The following SNED1 variants were observed in gnomAD, a reference collection of about 807,000 sequenced individuals.
The protein encoded by SNED1 is sushi, nidogen and EGF like domains 1.
In SNED1, 81 loss-of-function variants were observed where a neutral mutation model predicts 166.7. The observed-to-expected ratio is 0.49, with a 90% CI of 0.41 to 0.58. The LOEUF is 0.58. Ranked by LOEUF, SNED1 falls within the 20% of genes least tolerant of loss-of-function variation. The pLI is 0.00. For synonymous variants in SNED1, 762 were observed against 822.0 expected (o/e 0.93, Z 1.25); for missense variants, 1,604 against 2,000.2 (o/e 0.80, Z 3.78).
rs1266948383 is a variant in SNED1, at chr2:241,065,354, T to C, written c.2769T>C (p.Ser923=). ...KMERVEESGV[S]ISWNPPNGPA... is the part of the protein sequence containing the mutation. The stretch of plus-strand genomic sequence containing the variant: ...AGAGAGTGGAGGAGAGTGGGGTCTC[T>C]ATCTCCTGGAACCCGCCCAATGGTC... The change falls in exon 21 of 32, where the codon TCT becomes TCC. Residue 923 remains serine, a synonymous_variant. Coordinates refer to ENST00000310397, the MANE Select transcript of SNED1 (RefSeq NM_001080437.3). 1.1e-5 allele frequency: 17 copies of C among 1,612,950 alleles called. No individual in the cohort carries two copies. The highest frequency in any genetic ancestry group is 1.4e-5 in the Non-Finnish European group (17 of 1,179,850).
intron 29 of SNED1, among the ~76,000 whole-genome samples, chr2:241,086,827 C>A (rs1206050381): frequency 6.6e-6 from 1 of 152,222 alleles, no homozygotes; most frequent in Non-Finnish European, 1.5e-5. Flanking sequence ...TTATTATCTA[C>A]AAACTTGTAA....
At position 241,064,932 on chromosome 2, in the gene SNED1, C is replaced by T; in HGVS notation, c.2688C>T (p.Gly896=). The change falls in exon 20 of 32, where the codon GGC becomes GGT. Residue 896 remains glycine, a synonymous_variant. Coordinates refer to ENST00000310397, the MANE Select transcript of SNED1 (RefSeq NM_001080437.3). The surrounding 1 kb of genome is among the most constrained non-coding windows in gnomAD (Gnocchi z 7.0). The part of the protein sequence containing the change: ...NGSHSCTCKV[G]YTGEDCAKEL... ...CCCACAGCTGCACCTGCAAAGTGGG[C>T]TACACGGGCGAGGACTGCGCCAAAG... is the stretch of plus-strand genomic sequence containing the variant. 1 of 1,586,732 alleles carries T rather than the reference C, an allele frequency of 6.3e-7. No homozygotes were observed. Among genetic ancestry groups the T allele is most frequent in the Non-Finnish European group, 8.5e-7 (1 of 1,170,898 alleles).
At chr2:241,030,596 G>A in intron 2 of SNED1, 25 bp downstream of exon 2, 9 of 1,608,224 alleles carry the variant, frequency 5.6e-6, no homozygotes, top group Non-Finnish European at 7.7e-6. Flanking sequence ...TTGTCCTGGG[G>A]AGGGTGGGTG....
intron 2 of SNED1, among the ~76,000 whole-genome samples, chr2:241,031,417 G>A (rs1160088081): frequency 6.6e-6 from 1 of 152,114 alleles, no homozygotes; most frequent in Admixed American, 6.5e-5. Flanking sequence ...CGCCCACCTC[G>A]GCCTCCTAAT....
At chr2:241,077,234 C>T (rs570435847) in intron 27 of SNED1, among the ~76,000 whole-genome samples, 29 of 152,184 alleles carry the variant, frequency 1.9e-4, no homozygotes, top group Admixed American at 5.2e-4. Flanking sequence ...AGAATGAGGC[C>T]GGAGCCCTCG....
At chr2:241,044,379 G>A (rs2061595618) in intron 8 of SNED1, among the ~76,000 whole-genome samples, 1 of 152,182 alleles carries the variant, frequency 6.6e-6, no homozygotes, top group Admixed American at 6.5e-5. Flanking sequence ...AAAAGATAGA[G>A]TAAGCACAGT....
chr2:241,072,625 C>T (rs1172067951), intron 26 of SNED1: 1 of 251,364 alleles, frequency 4.0e-6, no homozygotes, highest in African/African-American at 2.3e-5. Context: ...CAAGCAGGGA[C>T]CAGAGCCCTG....
At chr2:241,012,301 A>G (rs898820245) in intron 1 of SNED1, among the ~76,000 whole-genome samples, 5 of 152,172 alleles carry the variant, frequency 3.3e-5, no homozygotes, top group African/African-American at 1.2e-4. Context: ...AACACATGCC[A>G]AAAAGGGTAC....
intron 1 of SNED1, chr2:241,010,732 G>A (rs183899513): frequency 6.6e-6 from 1 of 152,608 alleles, no homozygotes; most frequent in African/African-American, 2.4e-5. Flanking sequence ...GTCCAACGCA[G>A]AGCTTTTTCC....
At chr2:241,063,382 G>T in intron 17 of SNED1, 1 of 600,138 alleles carries the variant, frequency 1.7e-6, no homozygotes, top group Non-Finnish European at 3.0e-6. Flanking sequence ...CTGGAGGTGG[G>T]GCTTTGCCAG....
At chr2:241,007,932 C>T (rs559050816) in intron 1 of SNED1, among the ~76,000 whole-genome samples, 1 of 152,342 alleles carries the variant, frequency 6.6e-6, no homozygotes, top group East Asian at 1.9e-4. Flanking sequence ...CCCTCCCTTG[C>T]AATAAACTGC....
chr2:241,090,941 C>T (rs182007694), intron 31 of SNED1, among the ~76,000 whole-genome samples: 139 of 151,978 alleles, frequency 9.1e-4, no homozygotes, highest in Non-Finnish European at 1.7e-3. Context: ...TCTCATGGGA[C>T]CACTGTCATG....
At chr2:241,065,270 C>T in intron 20 of SNED1, 29 bp from the exon 21 acceptor site, 1 of 1,610,888 alleles carries the variant, frequency 6.2e-7, no homozygotes, top group Non-Finnish European at 8.5e-7. Context: ...GACCAGTCCC[C>T]TCCCCTTGTT....
intron 1 of SNED1, among the ~76,000 whole-genome samples, chr2:241,001,540 C>T (rs2060077244): frequency 6.6e-6 from 1 of 152,252 alleles, no homozygotes. Context: ...GATAATGCAG[C>T]CGAGGAGCGT....
chr2:241,034,531 A>G lies in SNED1; in HGVS notation c.643-37A>G. On this transcript the variant is annotated intron_variant, in intron 3 of 31. Transcript: ENST00000310397. ...ACCCCCACCTCTGTAGACCTGGGGA[A>G]CTGGCCTCCCTCACTCTGCCCCCAC... 4.5e-6 allele frequency: 7 copies of G among 1,550,672 alleles called. No individual in the cohort carries two copies. In the South Asian group the frequency reaches 8.5e-5, roughly 19 times the overall value.
intron 1 of SNED1, among the ~76,000 whole-genome samples, chr2:241,025,182 GGAGCA>G (rs2060917699): frequency 6.6e-6 from 1 of 152,132 alleles, no homozygotes; most frequent in African/African-American, 2.4e-5. Flanking sequence ...GATTCTAATA[GGAGCA>G]CAAACCCTAT....
intron 1 of SNED1, among the ~76,000 whole-genome samples, chr2:241,028,029 G>A (rs558544102): frequency 3.9e-5 from 6 of 152,248 alleles, no homozygotes; most frequent in African/African-American, 1.4e-4. Context: ...CACCGCGCCG[G>A]GCCAGGTTTG....
At chr2:241,088,303 G>A in intron 30 of SNED1, 62 bp from the exon 31 acceptor site, 1 of 1,182,012 alleles carries the variant, frequency 8.5e-7, no homozygotes, top group South Asian at 1.2e-5. Context: ...GACTGAGGTA[G>A]CTGTAGAATT....
At chr2:241,050,597 C>T (rs993543356) in intron 12 of SNED1, among the ~76,000 whole-genome samples, 11 of 152,196 alleles carry the variant, frequency 7.2e-5, no homozygotes, top group African/African-American at 2.4e-4. Context: ...AGGGAAAGAC[C>T]CTGAAGTCTG....
Sources: gnomAD v4.1 joint callset for allele counts (sites outside exome capture counted in the v4.1 genomes callset) on GRCh38, gnomAD v4.1.1 for gene constraint, Gnocchi (gnomAD v3.1) non-coding constraint, MANE v1.5 for transcripts, NCBI Gene and HGNC (gene_info 2026-07-23, HGNC 2026-07-21) for gene names.